The following AANAT variants were observed in gnomAD, a reference collection of about 807,000 sequenced individuals.
AANAT encodes serotonin N-acetyltransferase.
A neutral mutation model predicts 15.6 loss-of-function variants in AANAT; 11 were observed. The observed-to-expected ratio is 0.71, with a 90% confidence interval of 0.44 to 1.17. The LOEUF is 1.17. Among genes scored for constraint, AANAT ranks in the 50% most tolerant of loss-of-function variants. The pLI, the probability that AANAT is intolerant of heterozygous loss-of-function variation, is 0.00. For synonymous variants in AANAT, 139 were observed against 131.5 expected, an observed-to-expected ratio of 1.06 and a Z score of -0.39; for missense variants, 286 against 296.3, an observed-to-expected ratio of 0.97 and a Z score of 0.26.
Position 76,469,796 on chromosome 17 carries a change from G to A in AANAT, c.450G>A (p.Gln150=). 6.3e-7 allele frequency: 1 copy of A among 1,599,312 alleles called. No individual in the cohort carries two copies. The highest frequency in any genetic ancestry group is 2.3e-5 in the East Asian group (1 of 44,262). Residue 150 remains glutamine, a synonymous_variant, in exon 4 of 4, where the codon CAG becomes CAA. Transcript: ENST00000392492. The surrounding 1 kb of genome is among the most constrained non-coding windows in gnomAD (Gnocchi z 5.2). ...GCTACCTGCACCACCTGGGCAGCCA[G>A]CCGGCCGTGCGCCGGGCCGCGCTCA... ...LWRYLHHLGS[Q]PAVRRAALMC...
intron 2 of AANAT, among the ~76,000 whole-genome samples, chr17:76,461,498 T>TACTTGGG (rs1024770208): frequency 6.7e-6 from 1 of 150,082 alleles, no homozygotes; most frequent in African/African-American, 2.5e-5. Flanking sequence ...TAATCCCAGC[T>TACTTGGG]ACTTGGGAGG....
chr17:76,461,605 CAAAAAAAAAA>C (rs10578887), intron 2 of AANAT, among the ~76,000 whole-genome samples: 1 of 52,874 alleles, frequency 1.9e-5, no homozygotes, highest in Non-Finnish European at 3.2e-5. Flanking sequence ...GAGCCTCCAC[CAAAAAAAAAA>C]AAAAAAAAAA....
upstream of AANAT, chr17:76,466,326 C>T (rs1453138425): frequency 5.8e-6 from 6 of 1,035,928 alleles, no homozygotes; most frequent in Non-Finnish European, 8.1e-6. Flanking sequence ...GTTGAGGGTC[C>T]CTTCTAGCAG....
chr17:76,458,789 A>G (rs111608333), intron 1 of AANAT, among the ~76,000 whole-genome samples: 2,803 of 152,158 alleles, frequency 0.018, 90 homozygotes, highest in African/African-American at 0.064. Flanking sequence ...AAGCGATTTC[A>G]GCCTGGCCCA....
At position 76,468,980 on chromosome 17, in the gene AANAT, T is replaced by C. The variant is rs557488417; in HGVS notation, c.163+71T>C. On this transcript the variant is annotated intron_variant, in intron 2 of 3. Coordinates refer to ENST00000392492, the MANE Select transcript of AANAT (RefSeq NM_001088.3). ...AGTTATCCTGTGGGGAGGAGACCCT[T>C]AGTCTCCTGTCCTTGGAGGCTGGGT... 3.0e-5 allele frequency: 45 copies of C among 1,516,616 alleles called. No individual in the cohort carries two copies. In the South Asian group the frequency reaches 5.3e-4, roughly 18 times the overall value. The allele number at this position is 1,516,616 out of a possible 1,614,324, so 93.9% of individuals were successfully genotyped here. A position where few individuals can be genotyped will look rare whatever the true frequency, so the allele number is the denominator to read the frequency against.
upstream of AANAT, among the ~76,000 whole-genome samples, chr17:76,462,921 G>C (rs62085018): frequency 0.33 from 49,660 of 152,172 alleles, 9,877 homozygotes; most frequent in Non-Finnish European, 0.44. Context: ...GGTGTCCCTG[G>C]GACATGGCCA....
At chr17:76,456,842 C>T (rs2073347538) in intron 1 of AANAT, among the ~76,000 whole-genome samples, 1 of 152,200 alleles carries the variant, frequency 6.6e-6, no homozygotes, top group African/African-American at 2.4e-5. Flanking sequence ...TTTTTAACCT[C>T]ATTTTACCAA....
At chr17:76,466,211 T>C, upstream of AANAT, 1 of 1,536,072 alleles carries the variant, frequency 6.5e-7, no homozygotes, top group South Asian at 1.2e-5. Context: ...AGAGGCCTTT[T>C]GGGGGACCCT....
chr17:76,469,981 C>T lies in AANAT; in HGVS notation c.*11C>T. 9.6e-6 allele frequency: 14 copies of T among 1,458,964 alleles called. No individual in the cohort carries two copies. Among genetic ancestry groups the T allele is most frequent in the Non-Finnish European group, 1.3e-5 (14 of 1,101,484 alleles). 90.4% of individuals were successfully genotyped at this position (1,458,964 alleles called of 1,614,324 possible). A position where few individuals can be genotyped will look rare whatever the true frequency, so the allele number is the denominator to read the frequency against. ...AACAGCGGCTGCTGAACTGGGCTGC[C>T]CACCTGGCTGCCAACATGATCCCCG... On this transcript the variant is annotated 3_prime_UTR_variant, in exon 4 of 4. Coordinates refer to ENST00000392492, the MANE Select transcript of AANAT (RefSeq NM_001088.3). The surrounding 1 kb of genome is among the most constrained non-coding windows in gnomAD (Gnocchi z 5.2).
At chr17:76,464,115 T>G (rs541717348), upstream of AANAT, among the ~76,000 whole-genome samples, 540 of 152,048 alleles carry the variant, frequency 3.6e-3, 5 homozygotes, top group Admixed American at 0.011. Flanking sequence ...CTGAGGCAGG[T>G]GGATCACCTG....
Position 76,469,838 on chromosome 17 carries a change from G to C in AANAT, c.492G>C (p.Leu164=), listed in dbSNP as rs753214683. ...CCGCGCTCATGTGCGAGGACGCGCTGGTACCCTTCTATGAGAGGTTCAGCT... is the reference window on the plus strand; with the variant it reads ...CCGCGCTCATGTGCGAGGACGCGCTCGTACCCTTCTATGAGAGGTTCAGCT... ...RRAALMCEDA[L]VPFYERFSFH... is the part of the protein sequence containing the mutation. The change falls in exon 4 of 4, where the codon CTG becomes CTC. Residue 164 remains leucine (L), a synonymous_variant. Coordinates refer to ENST00000392492, the MANE Select transcript of AANAT (RefSeq NM_001088.3). This position sits in a 1 kb window ranked among gnomAD's most constrained non-coding sequence, Gnocchi z 5.2. 1.9e-6 allele frequency: 3 copies of C among 1,604,888 alleles called. No individual in the cohort carries two copies. The South Asian group carries it at 3.4e-5, about 18-fold the overall frequency.
intron 2 of AANAT, among the ~76,000 whole-genome samples, chr17:76,459,815 A>G (rs190152694): frequency 6.6e-6 from 1 of 152,350 alleles, no homozygotes; most frequent in African/African-American, 2.4e-5. Flanking sequence ...TTGCCCAGTG[A>G]GTGCATGATG....
chr17:76,463,092 C>G (rs1040674871), upstream of AANAT, among the ~76,000 whole-genome samples: 4 of 152,264 alleles, frequency 2.6e-5, no homozygotes, highest in Non-Finnish European at 4.4e-5. Context: ...TGCTCACTGC[C>G]CCTGCACCAG....
In AANAT at chr17:76,467,740, C is replaced by T. The variant is rs2073455409; in HGVS notation, c.-76+13C>T. On this transcript the variant is annotated intron_variant, in intron 1 of 3. Coordinates refer to ENST00000392492, the MANE Select transcript of AANAT (RefSeq NM_001088.3). Reference sequence around the variant, plus strand: ...CTCCACAGTCCAGGTAGGTGGGACCCCCACTCCTGGCTCTCAGCCTTTAGG... The same window carrying T: ...CTCCACAGTCCAGGTAGGTGGGACCTCCACTCCTGGCTCTCAGCCTTTAGG... 2 of 985,208 alleles carry T rather than the reference C, an allele frequency of 2.0e-6. No individual in the cohort carries two copies. The highest frequency in any genetic ancestry group is 4.7e-5 in the South Asian group (1 of 21,298). The allele number at this position is 985,208 out of a possible 1,614,324, so 61.0% of individuals were successfully genotyped here.
intron 1 of AANAT, among the ~76,000 whole-genome samples, chr17:76,455,538 G>A (rs932322637): frequency 5.3e-5 from 8 of 152,238 alleles, no homozygotes; most frequent in Non-Finnish European, 1.0e-4. Flanking sequence ...TAAATGGATT[G>A]TTAAGGAAAA....
At chr17:76,462,003 C>A (rs967218777) in intron 2 of AANAT, among the ~76,000 whole-genome samples, 3 of 152,184 alleles carry the variant, frequency 2.0e-5, no homozygotes, top group Non-Finnish European at 2.9e-5. Flanking sequence ...GAGGTTAGTG[C>A]CCCTCCTTCC....
At chr17:76,468,950 G>T (rs762452332) in intron 2 of AANAT, 41 bp downstream of exon 2, 1 of 1,588,914 alleles carries the variant, frequency 6.3e-7, no homozygotes, top group South Asian at 1.1e-5. Flanking sequence ...GCTCCACTCT[G>T]GTCCAGTTAT....
upstream of AANAT, among the ~76,000 whole-genome samples, chr17:76,467,228 A>G (rs2143976394): frequency 6.6e-6 from 1 of 152,310 alleles, no homozygotes; most frequent in Non-Finnish European, 1.5e-5. Flanking sequence ...TATTTAAATA[A>G]ACTTGAAGTA....
intron 1 of AANAT, 52 bp downstream of exon 1, chr17:76,467,779 C>T: frequency 1.1e-6 from 1 of 948,730 alleles, no homozygotes; most frequent in Non-Finnish European, 1.3e-6. Flanking sequence ...AGGAGCTTCT[C>T]TACTTGGAGC....
Sources: allele counts gnomAD v4.1 joint callset (sites outside exome capture counted in the v4.1 genomes callset), GRCh38; gene constraint gnomAD v4.1.1; non-coding constraint Gnocchi (gnomAD v3.1); transcripts MANE v1.5; gene names NCBI Gene and HGNC (gene_info 2026-07-23, HGNC 2026-07-21).